Variants in FOXP2 observed in about 807,000 individuals in gnomAD.
FOXP2 encodes the protein forkhead box protein P2.
A neutral mutation model predicts 115.8 loss-of-function variants in FOXP2; 12 were observed. The observed-to-expected ratio is 0.10, with a 90% CI of 0.07 to 0.17. The LOEUF (loss-of-function observed/expected upper bound fraction) is 0.17, where lower values mean the gene tolerates loss of function less well. Among genes scored for constraint, FOXP2 ranks in the 10% least tolerant of loss-of-function variants. The pLI, the probability that FOXP2 is intolerant of heterozygous loss-of-function variation, is 1.00. For missense variants in FOXP2, 629 were observed against 843.5 expected, an observed-to-expected ratio of 0.75 and a Z score of 3.15; for synonymous variants, 328 against 297.7, an observed-to-expected ratio of 1.10 and a Z score of -1.05.
At chr7:114,132,281 C>T (rs1184697582) in intron 1 of FOXP2, among the ~76,000 whole-genome samples, 2 of 152,178 alleles carry the variant, frequency 1.3e-5, no homozygotes, top group South Asian at 2.1e-4. Context: ...TTTGTCTTCA[C>T]ATCATCATCC....
chr7:114,442,456 G>T (rs1032240604), intron 2 of FOXP2, among the ~76,000 whole-genome samples: 2 of 151,900 alleles, frequency 1.3e-5, no homozygotes, highest in Non-Finnish European at 2.9e-5. Context: ...TTGAAAATGG[G>T]TGAATTCTGT....
chr7:114,611,580 T>C (rs907348985), intron 3 of FOXP2, among the ~76,000 whole-genome samples: 5 of 152,180 alleles, frequency 3.3e-5, no homozygotes, highest in Non-Finnish European at 4.4e-5. Context: ...TATAGCTAAA[T>C]TCATAGGACC....
At chr7:114,146,121 C>T (rs555330545) in intron 1 of FOXP2, among the ~76,000 whole-genome samples, 6 of 152,268 alleles carry the variant, frequency 3.9e-5, no homozygotes, top group African/African-American at 7.2e-5. Flanking sequence ...CAGAAACCAA[C>T]TCAGCCCTCT....
At chr7:114,189,231 A>G (rs982494738) in intron 1 of FOXP2, among the ~76,000 whole-genome samples, 10 of 152,180 alleles carry the variant, frequency 6.6e-5, no homozygotes, top group African/African-American at 2.4e-4. Context: ...AGATTTAACT[A>G]CTTTTCTGTC....
chr7:114,113,689 A>G (rs1391257586), intron 1 of FOXP2, among the ~76,000 whole-genome samples: 1 of 151,998 alleles, frequency 6.6e-6, no homozygotes, highest in Non-Finnish European at 1.5e-5. Flanking sequence ...ATTTTTTTAT[A>G]GATGGGGTCT....
intron 3 of FOXP2, among the ~76,000 whole-genome samples, chr7:114,604,023 G>A (rs542867211): frequency 4.2e-4 from 64 of 152,268 alleles, no homozygotes; most frequent in African/African-American, 1.5e-3. Context: ...TATTTACAAT[G>A]TTAAGTACAG....
In FOXP2 at chr7:114,190,784, A is replaced by G. The variant is rs540038405; in HGVS notation, c.-102+27696A>G. Among the ~76,000 whole-genome samples, 352 of 152,290 alleles carry G rather than the reference A, an allele frequency of 2.3e-3. 2 individuals are homozygous for G. The highest frequency in any genetic ancestry group is 2.6e-3 in the Non-Finnish European group (180 of 68,030). On this transcript the variant is annotated intron_variant, in intron 1 of 17. Transcript: ENST00000634411. ...TTATATCCTTCTTCCAGAGAAGAAA[A>G]AAAGAAATGGATTCACTTATCAGAA...
At chr7:114,278,163 G>C (rs747652607) in intron 1 of FOXP2, among the ~76,000 whole-genome samples, 3 of 151,494 alleles carry the variant, frequency 2.0e-5, no homozygotes, top group Non-Finnish European at 4.4e-5. Flanking sequence ...GTTTAAAAAA[G>C]GATGCTCACT....
chr7:114,474,625 A>G (rs1025343560), intron 2 of FOXP2, among the ~76,000 whole-genome samples: 5 of 152,176 alleles, frequency 3.3e-5, no homozygotes, highest in Admixed American at 2.6e-4. Context: ...AAAACATAAG[A>G]TTTAGTGGTG....
At chr7:114,498,625 A>T (rs1263691096) in intron 2 of FOXP2, among the ~76,000 whole-genome samples, 1 of 152,226 alleles carries the variant, frequency 6.6e-6, no homozygotes, top group African/African-American at 2.4e-5. Context: ...TCATATTATC[A>T]CAAACTATAA....
intron 1 of FOXP2, among the ~76,000 whole-genome samples, chr7:114,264,205 T>A (rs1259620685): frequency 2.6e-5 from 4 of 152,314 alleles, no homozygotes; most frequent in East Asian, 3.9e-4. Flanking sequence ...AGGCTAAAGA[T>A]GTTTGATGAT....
intron 1 of FOXP2, among the ~76,000 whole-genome samples, chr7:114,282,902 A>C (rs1438261818): frequency 6.6e-6 from 1 of 152,218 alleles, no homozygotes; most frequent in Non-Finnish European, 1.5e-5. Flanking sequence ...AATGTCTGCT[A>C]CATAGTGCCT....
At chr7:114,255,491 C>T (rs1001657963) in intron 1 of FOXP2, among the ~76,000 whole-genome samples, 5 of 152,172 alleles carry the variant, frequency 3.3e-5, no homozygotes, top group African/African-American at 9.7e-5. Context: ...TCAGCAACTG[C>T]GGGGGCGCCC....
rs576719443 is a variant in FOXP2 at position 114,608,848 on chromosome 7, C to T, written c.259-19692C>T. 1.5e-4 allele frequency among the ~76,000 whole-genome samples: 23 copies of T among 152,220 alleles called. No individual in the cohort carries two copies. In the East Asian group the frequency reaches 4.1e-3, roughly 27 times the overall value. On this transcript the variant is annotated intron_variant, in intron 3 of 16. Transcript: ENST00000350908. ...AAAATAGCTTTGAAAAAGAGTCATT[C>T]TGGCAAAATTCACTACCAGATGCAG... is the stretch of plus-strand genomic sequence containing the variant.
At chr7:114,221,568 C>A (rs982224932) in intron 1 of FOXP2, among the ~76,000 whole-genome samples, 1 of 152,030 alleles carries the variant, frequency 6.6e-6, no homozygotes, top group Non-Finnish European at 1.5e-5. Flanking sequence ...TTACCCCCCT[C>A]CCCCAGCCAT....
intron 2 of FOXP2, among the ~76,000 whole-genome samples, chr7:114,334,931 CTATATATATATA>C (rs144511332): frequency 1.7e-4 from 20 of 119,334 alleles, no homozygotes; most frequent in East Asian, 3.0e-4. Flanking sequence ...ATATAGAAAT[CTATATATATATA>C]TATATATATA....
rs937553976 is a variant in FOXP2, at chr7:114,093,492, C to G, written c.-247+5654C>G. Among the ~76,000 whole-genome samples the G allele has an allele frequency of 5.3e-5, 8 of 152,256 alleles. 1 individual carries two copies. In the East Asian group the frequency reaches 1.5e-3, roughly 29 times the overall value. Reference sequence around the variant, plus strand: ...GATTTTGTTTTGCTTTGGTTTAACTCAATACTTAGAACAGTGCCTGGCACT... The same window carrying G: ...GATTTTGTTTTGCTTTGGTTTAACTGAATACTTAGAACAGTGCCTGGCACT... On this transcript the variant is annotated intron_variant, in intron 1 of 19. Transcript: ENST00000635638.
chr7:114,325,378 T>C (rs1193429755), intron 2 of FOXP2, among the ~76,000 whole-genome samples: 1 of 151,914 alleles, frequency 6.6e-6, no homozygotes, highest in Non-Finnish European at 1.5e-5. Context: ...AGATTAAACA[T>C]TTTTTCTCTA....
intron 2 of FOXP2, among the ~76,000 whole-genome samples, chr7:114,439,331 T>C (rs1007991828): frequency 6.6e-5 from 10 of 152,166 alleles, no homozygotes; most frequent in African/African-American, 2.2e-4. Flanking sequence ...AACATAACCT[T>C]CCTGAGCCTC....
Sources: gnomAD v4.1 joint callset for allele counts (sites outside exome capture counted in the v4.1 genomes callset) on GRCh38, gnomAD v4.1.1 for gene constraint, MANE v1.5 for transcripts, NCBI Gene and HGNC (gene_info 2026-07-23, HGNC 2026-07-21) for gene names.